The following ALG9 variants were observed in gnomAD, a reference collection of about 807,000 sequenced individuals.
The protein encoded by ALG9 is alpha-1,2-mannosyltransferase ALG9.
ALG9 carries 55 observed loss-of-function variants against 81.8 expected under a neutral mutation model. That is an observed-to-expected ratio of 0.67 (90% CI 0.54 to 0.84). The LOEUF is 0.84. Among genes scored for constraint, ALG9 ranks in the 40% least tolerant of loss-of-function variants. The pLI is 0.00. For synonymous variants in ALG9, 278 were observed against 274.3 expected (o/e 1.01, Z -0.13); for missense variants, 629 against 745.0 (o/e 0.84, Z 1.81).
At chr11:111,852,318 C>G (rs151320866) in intron 8 of ALG9, among the ~76,000 whole-genome samples, 172 of 152,284 alleles carry the variant, frequency 1.1e-3, no homozygotes, top group African/African-American at 3.8e-3. Flanking sequence ...CTGATTTGAT[C>G]CAAAAGATCT....
intron 11 of ALG9, 112 bp from the exon 12 acceptor site, chr11:111,837,727 GA>G: frequency 8.1e-7 from 1 of 1,228,442 alleles, no homozygotes; most frequent in Non-Finnish European, 1.2e-6. Context: ...TAAAAGGCAG[GA>G]AGGGCCATAG....
intron 13 of ALG9, among the ~76,000 whole-genome samples, chr11:111,834,454 T>C (rs1954894503): frequency 6.6e-6 from 1 of 152,200 alleles, no homozygotes; most frequent in African/African-American, 2.4e-5. Flanking sequence ...AGAACACTTG[T>C]GCAAGCATAA....
chr11:111,785,030 A>G lies in ALG9; in HGVS notation c.*1367T>C, dbSNP rs1249192975. 1.3e-5 allele frequency: 2 copies of G among 152,658 alleles called. No individual in the cohort carries two copies. The highest frequency in any genetic ancestry group is 2.4e-5 in the African/African-American group (1 of 41,456). 9.5% of individuals were successfully genotyped at this position (152,658 alleles called of 1,614,324 possible). A position where few individuals can be genotyped will look rare whatever the true frequency, so the allele number is the denominator to read the frequency against. ...TTCTTCCTTAAAATAGAAAGTTACA[A>G]TATCAGTTAGGTCTCTGGTTAACCT... On this transcript the variant is annotated 3_prime_UTR_variant, in exon 15 of 15. Coordinates refer to ENST00000616540, the MANE Select transcript of ALG9 (RefSeq NM_024740.2).
chr11:111,869,687 A>G (rs1963648460), intron 2 of ALG9, among the ~76,000 whole-genome samples: 1 of 152,234 alleles, frequency 6.6e-6, no homozygotes, highest in Non-Finnish European at 1.5e-5. Context: ...CTTAGAATAC[A>G]AAAGTGAAAA....
chr11:111,783,699 T>C lies in ALG9; in HGVS notation c.*2698A>G, dbSNP rs1406770905. ...TTTTTTAAAATGTGTTTATAAAATA[T>C]CACATGAAAACACCTTCACAACAAA... On this transcript the variant is annotated 3_prime_UTR_variant, in exon 15 of 15. Transcript: ENST00000616540. 3 of 152,126 alleles carry C rather than the reference T, an allele frequency of 2.0e-5. No individual in the cohort carries two copies. The highest frequency in any genetic ancestry group is 4.4e-5 in the Non-Finnish European group (3 of 68,026). The allele number at this position is 152,126 out of a possible 1,614,324, so 9.4% of individuals were successfully genotyped here.
intron 13 of ALG9, chr11:111,828,938 A>C (rs138684640): frequency 2.0e-5 from 3 of 152,352 alleles, no homozygotes; most frequent in Admixed American, 6.5e-5. Context: ...GATCTGGATC[A>C]TGTTATATAT....
Position 111,844,622 on chromosome 11 carries a change from A to G in ALG9, c.997T>C (p.Tyr333His), listed in dbSNP as rs1555127154. 6.2e-7 allele frequency: 1 copy of G among 1,614,134 alleles called. No homozygotes were observed. The highest frequency in any genetic ancestry group is 8.5e-7 in the Non-Finnish European group (1 of 1,180,004). ...TCACCATGAAATCTCTGCAGCAGGT[A>G]TTCCATAAGAGAAGTCAGTGGTAGG... The part of the protein sequence containing the change: ...LVLPLTSLME[Y>H]LLQRFHVQNL... The change falls in exon 9 of 15, where the codon TAC becomes CAC. Residue 333 changes from tyrosine to histidine, a missense_variant. This residue lies in a region of ALG9 where 21 missense variants were observed against 52.4 expected (regional missense o/e 0.40). Transcript: ENST00000616540.
chr11:111,827,599 G>A (rs1302116025), intron 13 of ALG9, among the ~76,000 whole-genome samples: 1 of 152,214 alleles, frequency 6.6e-6, no homozygotes, highest in Non-Finnish European at 1.5e-5. Context: ...AGGCACAGTG[G>A]CTCACGCCTA....
chr11:111,855,200 A>C (rs919145572), intron 6 of ALG9, among the ~76,000 whole-genome samples: 2 of 152,228 alleles, frequency 1.3e-5, no homozygotes. Context: ...TCTCTGTTGC[A>C]TAGTCTTCTC....
At chr11:111,768,842 CGTGTGTGTGTGT>C in the ALG9 span, 1 of 143,096 alleles carries the variant, frequency 7.0e-6, no homozygotes, top group African/African-American at 2.7e-5. Flanking sequence ...TGTGTGTGTG[CGTGTGTGTGTGT>C]GTGTGTGTGT....
At chr11:111,859,247 T>G (rs1166293709) in intron 5 of ALG9, among the ~76,000 whole-genome samples, 1 of 152,146 alleles carries the variant, frequency 6.6e-6, no homozygotes, top group Non-Finnish European at 1.5e-5. Context: ...CTCACACCTG[T>G]AATCCCAGCA....
At chr11:111,826,573 G>C (rs1283606845) in intron 13 of ALG9, among the ~76,000 whole-genome samples, 1 of 152,024 alleles carries the variant, frequency 6.6e-6, no homozygotes, top group East Asian at 1.9e-4. Flanking sequence ...ATGGAGTGCA[G>C]TGGCACTATC....
the ALG9 span, chr11:111,769,143 A>T: frequency 9.6e-5 from 14 of 145,692 alleles, no homozygotes; most frequent in African/African-American, 3.3e-4. Context: ...CCCATCTCTA[A>T]AAAAAAAAAA....
intron 6 of ALG9, among the ~76,000 whole-genome samples, chr11:111,856,045 G>A (rs1356719136): frequency 2.6e-5 from 4 of 152,058 alleles, no homozygotes. Context: ...TTGGGAGGCC[G>A]AGACAGGTGG....
intron 11 of ALG9, 98 bp downstream of exon 11, chr11:111,838,151 T>C: frequency 7.0e-7 from 1 of 1,436,200 alleles, no homozygotes; most frequent in Non-Finnish European, 9.7e-7. Flanking sequence ...AATGGCTTCT[T>C]AGTATAAGCC....
At chr11:111,812,697 G>A (rs868955347) in intron 13 of ALG9, among the ~76,000 whole-genome samples, 19 of 151,904 alleles carry the variant, frequency 1.3e-4, no homozygotes, top group African/African-American at 4.3e-4. Flanking sequence ...CAGGTGGATC[G>A]CCTGAGGTCA....
At chr11:111,806,149 C>T (rs1006803210) in intron 14 of ALG9, among the ~76,000 whole-genome samples, 13 of 152,164 alleles carry the variant, frequency 8.5e-5, no homozygotes, top group African/African-American at 1.2e-4. Context: ...TGTGAGCCAC[C>T]GTGCCTGGCC....
intron 13 of ALG9, among the ~76,000 whole-genome samples, chr11:111,811,577 G>T (rs767456162): frequency 3.1e-4 from 46 of 148,560 alleles, no homozygotes; most frequent in Non-Finnish European, 5.1e-4. Context: ...GAATTTTATT[G>T]ACAAATGCCC....
At chr11:111,868,497 A>T (rs1465188705) in intron 3 of ALG9, 105 bp downstream of exon 3, 10 of 1,403,970 alleles carry the variant, frequency 7.1e-6, no homozygotes, top group Admixed American at 2.3e-5. Context: ...TTCTTCAAAA[A>T]AAGTTCCCTT....
Sources: allele counts gnomAD v4.1 joint callset (sites outside exome capture counted in the v4.1 genomes callset), GRCh38; gene constraint gnomAD v4.1.1; regional missense constraint gnomAD v4.1.1; transcripts MANE v1.5; gene names NCBI Gene and HGNC (gene_info 2026-07-23, HGNC 2026-07-21).